Variants in RPAP1 observed in about 807,000 individuals in gnomAD.
RPAP1 encodes the protein RNA polymerase II associated protein 1.
A neutral mutation model predicts 142.4 loss-of-function variants in RPAP1; 109 were observed. That is an observed-to-expected ratio of 0.77 (90% CI 0.66 to 0.90). RPAP1 has a LOEUF of 0.90. Among genes scored for constraint, RPAP1 ranks in the 40% least tolerant of loss-of-function variants. RPAP1 has a pLI of 0.00. For synonymous variants in RPAP1, 704 were observed against 738.9 expected (o/e 0.95, Z 0.77); for missense variants, 1,546 against 1,751.7 (o/e 0.88, Z 2.10).
chr15:41,524,843 A>T, intron 15 of RPAP1, 148 bp downstream of exon 15: 1 of 770,176 alleles, frequency 1.3e-6, no homozygotes, highest in Non-Finnish European at 2.0e-6. Context: ...CCTGACTCCT[A>T]AGCCTTTTCA....
At position 41,537,177 on chromosome 15, in the gene RPAP1, T is replaced by A. The variant is rs1390571784; in HGVS notation, c.-52A>T. ...ACGACTCTCTCCAGCAGTGTCTCCG[T>A]GTGGGGGTTCCCTCTTATTCATCCC... On this transcript the variant is annotated 5_prime_UTR_variant, in exon 2 of 25. Transcript: ENST00000304330. 1.9e-6 allele frequency: 3 copies of A among 1,556,932 alleles called. No homozygotes were observed. The highest frequency in any genetic ancestry group is 2.6e-6 in the Non-Finnish European group (3 of 1,144,824).
intron 16 of RPAP1, 50 bp from the exon 17 acceptor site, chr15:41,524,022 C>G (rs1428843819): frequency 6.2e-7 from 1 of 1,608,644 alleles, no homozygotes; most frequent in African/African-American, 1.3e-5. Flanking sequence ...TGCCTCACGC[C>G]CCTTTACACT....
rs2051733720 is a variant in RPAP1 at position 41,522,228 on chromosome 15, G to A, written c.2765C>T (p.Pro922Leu). The stretch of plus-strand genomic sequence containing the variant: ...CTGGAGGAAGTAATTCTGGAGTCCC[G>A]GGGCAGCCAATATGGCAGCCAGCTG... ...CGQLAAILAA[P>L]GLQNYFLQCV... Residue 922 changes from proline (P) to leucine (L), a missense_variant, in exon 20 of 25, where the codon CCG becomes CTG. Around this residue, in one of 3 missense-constraint regions of RPAP1, gnomAD observed 1,333 missense variants for 1,486.6 expected, o/e 0.90. Transcript: ENST00000304330. 6 of 1,613,820 alleles carry A rather than the reference G, an allele frequency of 3.7e-6. No individual in the cohort carries two copies. The highest frequency in any genetic ancestry group is 2.2e-5 in the East Asian group (1 of 44,864).
Position 41,527,267 on chromosome 15 carries a change from C to G in RPAP1, c.1646G>C (p.Arg549Pro), listed in dbSNP as rs774093071. The G allele has an allele frequency of 1.2e-6, 2 of 1,614,196 alleles. No homozygotes were observed. The highest frequency in any genetic ancestry group is 2.2e-5 in the South Asian group (2 of 91,084). Residue 549 changes from arginine (R) to proline (P), a missense_variant, in exon 13 of 25, where the codon CGC (arginine) becomes CCC (proline). By Grantham distance (103) the Arg-to-Pro change is moderately radical (BLOSUM62 -2). Coordinates refer to ENST00000304330, the MANE Select transcript of RPAP1 (RefSeq NM_015540.4). ...TGGGTATGTCACCTCCAGCACGTAG[C>G]GCAGCCGAGGCAGCAGGCTGGTAGC... is the stretch of plus-strand genomic sequence containing the variant. ...LLATSLLPRLRYVLEVTYPGP... is the reference protein window; with the variant it reads ...LLATSLLPRLPYVLEVTYPGP...
At chr15:41,540,405 G>A (rs913160990) in intron 1 of RPAP1, among the ~76,000 whole-genome samples, 7 of 151,626 alleles carry the variant, frequency 4.6e-5, no homozygotes, top group Admixed American at 2.0e-4. Context: ...AGGTTCAAGC[G>A]ATTCTCCTGC....
At chr15:41,519,687 T>C (rs759344736) in intron 22 of RPAP1, 11 of 152,296 alleles carry the variant, frequency 7.2e-5, no homozygotes, top group Non-Finnish European at 1.2e-4. Context: ...CTCCTGCCTT[T>C]CTACCTCCTC....
intron 1 of RPAP1, among the ~76,000 whole-genome samples, chr15:41,541,771 C>T (rs927480791): frequency 2.0e-5 from 3 of 152,204 alleles, no homozygotes; most frequent in African/African-American, 4.8e-5. Flanking sequence ...GGCGTGAACC[C>T]GGGAAGTGGA....
At chr15:41,536,104 A>C in intron 4 of RPAP1, 25 bp downstream of exon 4, 2 of 1,588,108 alleles carry the variant, frequency 1.3e-6, no homozygotes, top group East Asian at 4.5e-5. Flanking sequence ...TCTCCTGAGC[A>C]CCACCTAAGC....
intron 6 of RPAP1, among the ~76,000 whole-genome samples, chr15:41,531,615 ATATATATATATATTTTTTTTTTTT>A (rs1435390549): frequency 1.2e-4 from 3 of 24,950 alleles, no homozygotes; most frequent in African/African-American, 7.0e-4. Flanking sequence ...ATATATATAT[ATATATATATATATTTTTTTTTTTT>A]TTTTTTTTTT....
At chr15:41,536,082 C>A in intron 4 of RPAP1, 47 bp downstream of exon 4, 4 of 1,425,654 alleles carry the variant, frequency 2.8e-6, no homozygotes, top group Non-Finnish European at 3.0e-6. Flanking sequence ...CACTATGAGA[C>A]TCACCTGTCT....
Position 41,528,522 on chromosome 15 carries a change from A to T in RPAP1, c.1159-186T>A, listed in dbSNP as rs971878046. Reference sequence around the variant, plus strand: ...CATGCCATGAGGCAGATGCAGAGGAACGTGATAACTGATGTTTAATTTGCG... The same window carrying T: ...CATGCCATGAGGCAGATGCAGAGGATCGTGATAACTGATGTTTAATTTGCG... On this transcript the variant is annotated intron_variant, in intron 9 of 24. Coordinates refer to ENST00000304330, the MANE Select transcript of RPAP1 (RefSeq NM_015540.4). Among the ~76,000 whole-genome samples the T allele has an allele frequency of 2.6e-5, 4 of 152,222 alleles. No individual in the cohort carries two copies. The East Asian group carries it at 7.7e-4, about 29-fold the overall frequency.
chr15:41,539,368 C>T (rs2051948295), intron 1 of RPAP1, among the ~76,000 whole-genome samples: 1 of 152,022 alleles, frequency 6.6e-6, no homozygotes, highest in South Asian at 2.1e-4. Context: ...GATCTCGGCT[C>T]ACTGCAACCT....
At chr15:41,530,028 T>A in intron 7 of RPAP1, 49 bp from the exon 8 acceptor site, 1 of 1,437,948 alleles carries the variant, frequency 7.0e-7, no homozygotes. Context: ...CAGCTCACTA[T>A]CCACAGGGGT....
rs753617779 is a variant in RPAP1 at position 41,524,213 on chromosome 15, G to A, written c.2117C>T (p.Pro706Leu). 4.6e-5 allele frequency: 72 copies of A among 1,557,988 alleles called. No homozygotes were observed. The highest frequency in any genetic ancestry group is 5.6e-5 in the Non-Finnish European group (65 of 1,151,524). The change falls in exon 16 of 25, where the codon CCG (proline) becomes CTG (leucine). Residue 706 changes from proline to leucine, a missense_variant. Physicochemically the swap from Pro to Leu is moderately conservative, Grantham distance 98. Transcript: ENST00000304330. ...AGGTGGGTGGGTGCTGAGCTCCCGC[G>A]GCACCACCTGCAAGGCCCGCATCAG... ...PVLMRALQVV[P>L]RELSTHPPQP... is the part of the protein sequence containing the mutation.
intron 6 of RPAP1, among the ~76,000 whole-genome samples, chr15:41,532,022 ATTT>A (rs1279380657): frequency 2.4e-5 from 3 of 124,436 alleles, no homozygotes. Flanking sequence ...TATCTGGCTA[ATTT>A]TTTTTTTTTT....
At chr15:41,524,764 GTGCCCGGCTAATGATTTTGAGCATAGAA>G (rs1231913364) in intron 15 of RPAP1, among the ~76,000 whole-genome samples, 199 bp downstream of exon 15, 1 of 152,162 alleles carries the variant, frequency 6.6e-6, no homozygotes, top group Non-Finnish European at 1.5e-5. Context: ...ATGAGCCACA[GTGCCCGGCTAATGATTTTGAGCATAGAA>G]TACGGTTAAG....
chr15:41,523,377 G>A (rs769807023), intron 17 of RPAP1, 23 bp from the exon 18 acceptor site: 16 of 1,446,706 alleles, frequency 1.1e-5, no homozygotes, highest in South Asian at 2.4e-5. Flanking sequence ...GGAATTCACT[G>A]AGCTGATGGC....
intron 6 of RPAP1, among the ~76,000 whole-genome samples, chr15:41,533,706 C>T (rs1453478747): frequency 6.6e-6 from 1 of 151,252 alleles, no homozygotes; most frequent in East Asian, 2.0e-4. Context: ...GGCATGGTGG[C>T]AGGCGCCTGT....
chr15:41,522,983 G>A (rs1050818290), intron 18 of RPAP1, 23 bp from the exon 19 acceptor site: 9 of 1,501,594 alleles, frequency 6.0e-6, no homozygotes, highest in Non-Finnish European at 8.0e-6. Context: ...TGGAGAGTCT[G>A]AGGGGGACTC....
Sources: allele counts gnomAD v4.1 joint callset (sites outside exome capture counted in the v4.1 genomes callset), GRCh38; gene constraint gnomAD v4.1.1; regional missense constraint gnomAD v4.1.1; transcripts MANE v1.5; gene names NCBI Gene and HGNC (gene_info 2026-07-23, HGNC 2026-07-21).